GRIK1: variants seen among roughly 807,000 people sequenced by gnomAD.
GRIK1 encodes the protein glutamate ionotropic receptor kainate type subunit 1, also known as glutamate receptor ionotropic, kainate 1.
GRIK1 carries 69 observed loss-of-function variants against 105.7 expected under a neutral mutation model. The observed-to-expected ratio is 0.65, with a 90% CI of 0.54 to 0.80. The LOEUF is 0.80. GRIK1 is among the 30% of genes least tolerant of loss of function. The pLI is 0.00. For synonymous variants in GRIK1, 438 were observed against 431.3 expected, an observed-to-expected ratio of 1.02 and a Z score of -0.19; for missense variants, 1,109 against 1,167.3, an observed-to-expected ratio of 0.95 and a Z score of 0.73.
intron 16 of GRIK1, among the ~76,000 whole-genome samples, chr21:29,539,543 T>C (rs1784880093): frequency 6.6e-6 from 1 of 152,194 alleles, no homozygotes; most frequent in Non-Finnish European, 1.5e-5. Flanking sequence ...CAAAACATCA[T>C]GTCTGTATAT....
At chr21:29,854,248 T>C (rs1240285504) in intron 1 of GRIK1, among the ~76,000 whole-genome samples, 1 of 152,042 alleles carries the variant, frequency 6.6e-6, no homozygotes, top group African/African-American at 2.4e-5. Flanking sequence ...AATAACCAGC[T>C]CTCACATAAA....
chr21:29,802,393 T>G lies in GRIK1; in HGVS notation c.119-108330A>C, dbSNP rs573211782. On this transcript the variant is annotated intron_variant, in intron 1 of 17. Coordinates refer to ENST00000327783, the MANE Select transcript of GRIK1 (RefSeq NM_001330994.2). ...AATTGACTTTCACCCTCTCCCTCTT[T>G]CAGTCTCTCTCTCTTTCTCTGTCTC... Among the ~76,000 whole-genome samples, 3 of 152,274 alleles carry G rather than the reference T, an allele frequency of 2.0e-5. 1 individual carries two copies. Among genetic ancestry groups the G allele is most frequent in the African/African-American group, 7.2e-5 (3 of 41,564 alleles).
chr21:29,842,427 G>C (rs2068007283), intron 1 of GRIK1, among the ~76,000 whole-genome samples: 1 of 152,130 alleles, frequency 6.6e-6, no homozygotes, highest in South Asian at 2.1e-4. Context: ...CTCTGTACTA[G>C]ATGTGGGTCA....
intron 1 of GRIK1, among the ~76,000 whole-genome samples, chr21:29,801,891 A>G (rs540815367): frequency 6.6e-6 from 1 of 151,858 alleles, no homozygotes; most frequent in Non-Finnish European, 1.5e-5. Flanking sequence ...TTTCTTTTGT[A>G]GAGATAAGCA....
intron 1 of GRIK1, among the ~76,000 whole-genome samples, chr21:29,848,779 A>ATATTTTTT: frequency 0.023 from 1,813 of 77,844 alleles, 46 homozygotes; most frequent in Non-Finnish European, 0.031. Context: ...ATATATATAT[A>ATATTTTTT]TTTTTTTTTT....
At chr21:29,938,762 A>C (rs776004656) in intron 1 of GRIK1, among the ~76,000 whole-genome samples, 2 of 151,864 alleles carry the variant, frequency 1.3e-5, no homozygotes, top group African/African-American at 2.4e-5. Flanking sequence ...CGTCCTTCTC[A>C]CTCTTCGAAT....
Position 29,939,366 on chromosome 21 carries a change from G to A in GRIK1, c.118+17C>T. 12 of 1,396,044 alleles carry A rather than the reference G, an allele frequency of 8.6e-6. No homozygotes were observed. Among genetic ancestry groups the A allele is most frequent in the Non-Finnish European group, 1.1e-5 (11 of 1,005,234 alleles). 86.5% of individuals were successfully genotyped at this position (1,396,044 alleles called of 1,614,324 possible). On this transcript the variant is annotated intron_variant, in intron 1 of 17. Transcript: ENST00000327783. ...ACCGACCACGTCTCCCGAGCAGGCA[G>A]CCTGGGGCTCACTCACCGATCCTGA...
At chr21:29,762,278 G>A (rs1005275087) in intron 1 of GRIK1, among the ~76,000 whole-genome samples, 65 of 152,178 alleles carry the variant, frequency 4.3e-4, no homozygotes, top group Non-Finnish European at 2.4e-4. Flanking sequence ...ATCGTAAGGT[G>A]CCATTATGAA....
intron 16 of GRIK1, chr21:29,553,747 T>G: frequency 8.3e-5 from 99 of 1,186,570 alleles, no homozygotes; most frequent in Middle Eastern, 2.0e-4. Context: ...GAAAAATGAA[T>G]AAATCAGAAG....
chr21:29,899,535 C>A (rs371607491), intron 1 of GRIK1, among the ~76,000 whole-genome samples: 2,020 of 138,348 alleles, frequency 0.015, 34 homozygotes, highest in African/African-American at 0.055. Flanking sequence ...AGGCATGCTG[C>A]TTTACCTTTT....
intron 1 of GRIK1, among the ~76,000 whole-genome samples, chr21:29,862,962 C>T (rs556059475): frequency 2.2e-4 from 34 of 152,276 alleles, no homozygotes; most frequent in Admixed American, 7.2e-4. Context: ...TACTGATGGA[C>T]AACTGTATAA....
At chr21:29,565,410 A>T in intron 14 of GRIK1, among the ~76,000 whole-genome samples, 1 of 152,190 alleles carries the variant, frequency 6.6e-6, no homozygotes, top group Admixed American at 6.5e-5. Context: ...AGACAGCTTC[A>T]GCACCTTAAA....
chr21:29,765,758 T>C (rs184539320), intron 1 of GRIK1, among the ~76,000 whole-genome samples: 1 of 152,308 alleles, frequency 6.6e-6, no homozygotes, highest in East Asian at 1.9e-4. Context: ...ACCTGCATGT[T>C]GTCCACCTGT....
At chr21:29,844,124 G>A (rs1234367486) in intron 1 of GRIK1, among the ~76,000 whole-genome samples, 2 of 152,046 alleles carry the variant, frequency 1.3e-5, no homozygotes, top group African/African-American at 4.8e-5. Flanking sequence ...TTTGATGTTT[G>A]CTGTAATAGA....
chr21:29,937,815 G>C (rs1203807496), intron 1 of GRIK1, among the ~76,000 whole-genome samples: 1 of 149,052 alleles, frequency 6.7e-6, no homozygotes, highest in Non-Finnish European at 1.5e-5. Flanking sequence ...TTTTTGACCA[G>C]GGTGAGTAGA....
At chr21:29,864,126 C>G (rs2068731286) in intron 1 of GRIK1, among the ~76,000 whole-genome samples, 3 of 151,638 alleles carry the variant, frequency 2.0e-5, no homozygotes, top group African/African-American at 4.8e-5. Flanking sequence ...AGACAAGATG[C>G]CTTGGAGGTA....
At chr21:29,865,830 T>C (rs9979883) in intron 1 of GRIK1, among the ~76,000 whole-genome samples, 9,268 of 152,252 alleles carry the variant, frequency 0.061, 695 homozygotes, top group African/African-American at 0.18. Flanking sequence ...AAATCTATAG[T>C]GTGGCATGAC....
In GRIK1 at chr21:29,651,220, G is replaced by A; in HGVS notation, c.852C>T (p.Asn284=). The part of the protein sequence containing the change: ...GVNMTGFRLL[N]IDNPHVSSII... Reference sequence around the variant, plus strand: ...TGGATGACACGTGAGGGTTGTCAATGTTAAGCAGCCGAAACCCGGTCATGT... The same window carrying A: ...TGGATGACACGTGAGGGTTGTCAATATTAAGCAGCCGAAACCCGGTCATGT... Residue 284 remains asparagine, a synonymous_variant, in exon 6 of 18, where the codon AAC becomes AAT. Transcript: ENST00000327783. 2 of 1,613,642 alleles carry A rather than the reference G, an allele frequency of 1.2e-6. No homozygotes were observed. Among genetic ancestry groups the A allele is most frequent in the Non-Finnish European group, 1.7e-6 (2 of 1,179,550 alleles).
intron 1 of GRIK1, among the ~76,000 whole-genome samples, chr21:29,930,481 T>C (rs889620603): frequency 1.1e-4 from 17 of 152,286 alleles, no homozygotes; most frequent in Non-Finnish European, 2.4e-4. Flanking sequence ...AGTGTTTTTT[T>C]CCCCCTCTGG....
Sources: allele counts gnomAD v4.1 joint callset (sites outside exome capture counted in the v4.1 genomes callset), GRCh38; gene constraint gnomAD v4.1.1; transcripts MANE v1.5; gene names NCBI Gene and HGNC (gene_info 2026-07-23, HGNC 2026-07-21).